Variants in PRKG1 observed in about 807,000 individuals in gnomAD.
PRKG1 encodes protein kinase cGMP-dependent 1, also known as cGMP-dependent protein kinase 1.
In PRKG1, 35 loss-of-function variants were observed where a neutral mutation model predicts 88.1. The observed-to-expected ratio is 0.40, with a 90% CI of 0.30 to 0.53. The LOEUF is 0.53. PRKG1 is among the 20% of genes least tolerant of loss of function. The pLI is 0.59. For missense variants in PRKG1, 540 were observed against 839.8 expected (o/e 0.64, Z 4.41); for synonymous variants, 303 against 292.5 (o/e 1.04, Z -0.37).
At chr10:52,106,243 T>TG (rs1294923245) in intron 7 of PRKG1, among the ~76,000 whole-genome samples, 1 of 152,210 alleles carries the variant, frequency 6.6e-6, no homozygotes, top group African/African-American at 2.4e-5. Flanking sequence ...TTGGAGATGT[T>TG]GGAAAACAAA....
intron 17 of PRKG1, among the ~76,000 whole-genome samples, chr10:52,291,617 G>A (rs1247279775): frequency 1.3e-5 from 2 of 152,064 alleles, no homozygotes; most frequent in African/African-American, 2.4e-5. Context: ...ATTCCATGGT[G>A]TATACGTGCC....
At chr10:51,131,530 T>G (rs115215363) in intron 1 of PRKG1, among the ~76,000 whole-genome samples, 3,498 of 152,260 alleles carry the variant, frequency 0.023, 113 homozygotes, top group African/African-American at 0.074. Flanking sequence ...GCGGATCACC[T>G]GAGGCCAGGA....
At chr10:51,456,570 G>T (rs1839591631) in intron 2 of PRKG1, among the ~76,000 whole-genome samples, 1 of 152,032 alleles carries the variant, frequency 6.6e-6, no homozygotes, top group South Asian at 2.1e-4. Context: ...AAAAGCAAAT[G>T]CAACAAAACC....
intron 3 of PRKG1, among the ~76,000 whole-genome samples, chr10:51,653,078 T>A (rs1730376490): frequency 6.6e-6 from 1 of 152,252 alleles, no homozygotes; most frequent in South Asian, 2.1e-4. Flanking sequence ...TATTTCATAG[T>A]GTGTATATAT....
At chr10:51,836,799 C>T (rs1840142625) in intron 4 of PRKG1, among the ~76,000 whole-genome samples, 1 of 152,160 alleles carries the variant, frequency 6.6e-6, no homozygotes, top group Non-Finnish European at 1.5e-5. Flanking sequence ...TAACTCAAAT[C>T]TCATGACCCT....
At chr10:51,951,686 G>GAA (rs59519380) in intron 5 of PRKG1, among the ~76,000 whole-genome samples, 8 of 151,460 alleles carry the variant, frequency 5.3e-5, no homozygotes, top group East Asian at 3.9e-4. Context: ...AGACAGAAAG[G>GAA]AAAAAAAATA....
At chr10:51,669,476 G>A (rs1321670128) in intron 3 of PRKG1, among the ~76,000 whole-genome samples, 2 of 152,160 alleles carry the variant, frequency 1.3e-5, no homozygotes, top group Admixed American at 6.5e-5. Flanking sequence ...GAGAGGGGAA[G>A]GGAGTGGGCA....
At chr10:51,444,450 C>T (rs58480261) in intron 2 of PRKG1, among the ~76,000 whole-genome samples, 5,345 of 151,776 alleles carry the variant, frequency 0.035, 305 homozygotes, top group African/African-American at 0.12. Context: ...CCATATGGAA[C>T]GGGTATACAG....
intron 9 of PRKG1, among the ~76,000 whole-genome samples, chr10:52,186,169 C>T (rs755764801): frequency 3.9e-5 from 6 of 152,110 alleles, no homozygotes; most frequent in Non-Finnish European, 5.9e-5. Flanking sequence ...GCAGGCTGTA[C>T]AAGAAGCATA....
intron 5 of PRKG1, among the ~76,000 whole-genome samples, chr10:51,926,879 G>A (rs1842591374): frequency 6.7e-6 from 1 of 150,316 alleles, no homozygotes; most frequent in Non-Finnish European, 1.5e-5. Context: ...ACGATATGTA[G>A]TTCTACCTGG....
chr10:51,609,137 G>A (rs1379810482), intron 3 of PRKG1, among the ~76,000 whole-genome samples: 2 of 151,798 alleles, frequency 1.3e-5, no homozygotes, highest in East Asian at 3.9e-4. Flanking sequence ...TGTGCACAAT[G>A]TGCAGGTTAG....
At chr10:51,911,908 T>C (rs1219565606) in intron 5 of PRKG1, among the ~76,000 whole-genome samples, 1 of 152,182 alleles carries the variant, frequency 6.6e-6, no homozygotes, top group African/African-American at 2.4e-5. Flanking sequence ...TATAGCTTTG[T>C]TCGTTTGACA....
intron 3 of PRKG1, among the ~76,000 whole-genome samples, chr10:51,657,863 T>C (rs1364349423): frequency 6.6e-6 from 1 of 152,170 alleles, no homozygotes; most frequent in African/African-American, 2.4e-5. Flanking sequence ...ATATCTTCCC[T>C]CTCATTGCTT....
chr10:51,812,441 G>A (rs1454834806), intron 4 of PRKG1, among the ~76,000 whole-genome samples: 2 of 152,134 alleles, frequency 1.3e-5, no homozygotes, highest in African/African-American at 4.8e-5. Context: ...GGCCCTTTTT[G>A]TTGACCAATG....
In PRKG1 at chr10:51,974,215, T is replaced by C. The variant is rs78478876; in HGVS notation, c.762+66645T>C. On this transcript the variant is annotated intron_variant, in intron 5 of 17. Transcript: ENST00000373980. ...CACTTTTCTTGAGCATATTGCTACC[T>C]GCAAGATTCTGGAACAGCATTAGGG... is the stretch of plus-strand genomic sequence containing the variant. 5.8e-4 allele frequency among the ~76,000 whole-genome samples: 88 copies of C among 152,260 alleles called. No individual in the cohort carries two copies. In the East Asian group the frequency reaches 0.012, roughly 21 times the overall value.
intron 9 of PRKG1, among the ~76,000 whole-genome samples, chr10:52,213,608 G>A (rs777636917): frequency 5.9e-5 from 9 of 152,178 alleles, no homozygotes; most frequent in Non-Finnish European, 1.2e-4. Flanking sequence ...TGTGGGGATT[G>A]GGAGCAGGAA....
intron 1 of PRKG1, among the ~76,000 whole-genome samples, chr10:51,118,089 C>T (rs1845170807): frequency 6.6e-6 from 1 of 152,082 alleles, no homozygotes; most frequent in South Asian, 2.1e-4. Context: ...CATTGGAGAT[C>T]CTTCCTAACC....
intron 3 of PRKG1, among the ~76,000 whole-genome samples, chr10:51,801,230 G>A (rs368020673): frequency 6.6e-6 from 1 of 152,104 alleles, no homozygotes; most frequent in Admixed American, 6.6e-5. Flanking sequence ...ACTCAGTTCA[G>A]CCAGAGACAA....
intron 3 of PRKG1, among the ~76,000 whole-genome samples, chr10:51,520,000 T>G (rs946900819): frequency 6.6e-6 from 1 of 152,120 alleles, no homozygotes; most frequent in Admixed American, 6.5e-5. Flanking sequence ...ATAAGGTGCA[T>G]GCTATATTTA....
Sources: gnomAD v4.1 joint callset for allele counts (sites outside exome capture counted in the v4.1 genomes callset) on GRCh38, gnomAD v4.1.1 for gene constraint, MANE v1.5 for transcripts, NCBI Gene and HGNC (gene_info 2026-07-23, HGNC 2026-07-21) for gene names.